Variants in NELL1 observed in about 807,000 individuals in gnomAD.
The protein encoded by NELL1 is protein kinase C-binding protein NELL1.
In NELL1, 76 loss-of-function variants were observed where a neutral mutation model predicts 107.4. The ratio of observed to expected loss-of-function variants is 0.71; its 90% CI spans 0.59 to 0.86. The LOEUF (loss-of-function observed/expected upper bound fraction) is 0.86, where lower values mean the gene tolerates loss of function less well. Ranked by LOEUF, NELL1 falls within the 40% of genes least tolerant of loss-of-function variation. NELL1 has a pLI of 0.00. For missense variants in NELL1, 1,024 were observed against 1,005.5 expected (o/e 1.02, Z -0.25); for synonymous variants, 353 against 341.2 (o/e 1.03, Z -0.38).
chr11:21,479,052 G>A (rs1854423260), intron 15 of NELL1, among the ~76,000 whole-genome samples: 1 of 152,144 alleles, frequency 6.6e-6, no homozygotes, highest in African/African-American at 2.4e-5. Flanking sequence ...CTCCTGGCAA[G>A]GATGTGGAGA....
In NELL1 at chr11:21,250,239, A is replaced by G. The variant is rs1331801479; in HGVS notation, c.1549+20785A>G. On this transcript the variant is annotated intron_variant, in intron 14 of 19. Transcript: ENST00000357134. ...AAGATTCAGACAGGGATCTGTGTAG[A>G]GGAGTAATTTGCAGTTATTTAACAT... Among the ~76,000 whole-genome samples the G allele has an allele frequency of 3.9e-5, 6 of 152,278 alleles. No individual in the cohort carries two copies. In the East Asian group the frequency reaches 7.7e-4, roughly 20 times the overall value.
chr11:21,086,240 T>C (rs1461481357), intron 12 of NELL1, among the ~76,000 whole-genome samples: 1 of 152,184 alleles, frequency 6.6e-6, no homozygotes, highest in Non-Finnish European at 1.5e-5. Context: ...GCAAATGATT[T>C]AGAAAGAAAG....
intron 2 of NELL1, among the ~76,000 whole-genome samples, chr11:20,760,558 G>T (rs766491885): frequency 6.6e-6 from 1 of 152,148 alleles, no homozygotes; most frequent in Non-Finnish European, 1.5e-5. Context: ...GTCCTCAAGG[G>T]CATGGATGGA....
chr11:20,778,404 G>A (rs1228686728), intron 2 of NELL1, among the ~76,000 whole-genome samples: 2 of 151,942 alleles, frequency 1.3e-5, no homozygotes, highest in African/African-American at 4.8e-5. Context: ...TCAGGGAAGA[G>A]GGAAATGAAG....
In NELL1 at chr11:21,229,384, C is replaced by T; in HGVS notation, c.1479C>T (p.Cys493=). 6.2e-7 allele frequency: 1 copy of T among 1,613,998 alleles called. No homozygotes were observed. The part of the protein sequence containing the change: ...GQHNCDENAI[C]TNTVQGHSCT... ...ACAACTGTGATGAGAATGCCATCTGCACCAACACTGTCCAGGGACACAGCT... is the reference window on the plus strand; with the variant it reads ...ACAACTGTGATGAGAATGCCATCTGTACCAACACTGTCCAGGGACACAGCT... Residue 493 remains cysteine (C), a synonymous_variant, in exon 14 of 20, where the codon TGC becomes TGT. Coordinates refer to ENST00000357134, the MANE Select transcript of NELL1 (RefSeq NM_006157.5).
intron 15 of NELL1, among the ~76,000 whole-genome samples, chr11:21,506,630 T>A (rs1278861719): frequency 6.6e-6 from 1 of 152,214 alleles, no homozygotes; most frequent in Non-Finnish European, 1.5e-5. Flanking sequence ...TAAGATAACA[T>A]GTGCAAAGCA....
At chr11:21,509,965 A>T (rs1002798769) in intron 15 of NELL1, among the ~76,000 whole-genome samples, 1 of 152,178 alleles carries the variant, frequency 6.6e-6, no homozygotes, top group African/African-American at 2.4e-5. Flanking sequence ...TTATATTTTT[A>T]ATCCTTGAGT....
At chr11:21,454,197 C>A (rs913896299) in intron 15 of NELL1, among the ~76,000 whole-genome samples, 2 of 146,262 alleles carry the variant, frequency 1.4e-5, no homozygotes, top group South Asian at 2.2e-4. Flanking sequence ...TTTGTTCTTG[C>A]GATAGTTTAC....
chr11:21,050,170 T>G (rs1853458090), intron 12 of NELL1, among the ~76,000 whole-genome samples: 1 of 152,144 alleles, frequency 6.6e-6, no homozygotes, highest in Non-Finnish European at 1.5e-5. Context: ...CTTGCCCCAC[T>G]CCTTCTTAGC....
At chr11:20,730,650 G>A (rs1207356791) in intron 2 of NELL1, among the ~76,000 whole-genome samples, 1 of 152,142 alleles carries the variant, frequency 6.6e-6, no homozygotes, top group African/African-American at 2.4e-5. Context: ...TTGTACCCAC[G>A]AATGGTGTGT....
intron 12 of NELL1, among the ~76,000 whole-genome samples, chr11:21,052,037 TG>T (rs1439879284): frequency 6.6e-6 from 1 of 151,872 alleles, no homozygotes; most frequent in African/African-American, 2.4e-5. Flanking sequence ...TTTAGTAGGG[TG>T]TTCCTCACTG....
chr11:21,363,328 C>T (rs999790301), intron 14 of NELL1, among the ~76,000 whole-genome samples: 1 of 152,162 alleles, frequency 6.6e-6, no homozygotes. Context: ...CTCCCTAAAC[C>T]CATTTCATCT....
At chr11:20,853,349 G>T (rs1848825064) in intron 4 of NELL1, among the ~76,000 whole-genome samples, 1 of 152,192 alleles carries the variant, frequency 6.6e-6, no homozygotes. Context: ...TTGGACCCTA[G>T]TCTTGGTTTT....
At chr11:21,217,418 A>G (rs2133867662) in intron 13 of NELL1, among the ~76,000 whole-genome samples, 1 of 152,228 alleles carries the variant, frequency 6.6e-6, no homozygotes, top group East Asian at 1.9e-4. Context: ...AAGGGTACAT[A>G]GGAGTCTTCT....
At chr11:20,861,517 A>T (rs1848978577) in intron 4 of NELL1, among the ~76,000 whole-genome samples, 1 of 152,150 alleles carries the variant, frequency 6.6e-6, no homozygotes, top group Admixed American at 6.5e-5. Context: ...TGACTATAGA[A>T]ACAGGGCAGG....
chr11:21,351,745 A>G (rs1417759778), intron 14 of NELL1, among the ~76,000 whole-genome samples: 1 of 152,058 alleles, frequency 6.6e-6, no homozygotes, highest in Non-Finnish European at 1.5e-5. Flanking sequence ...AATTATTGTA[A>G]TAGCTTTTAA....
chr11:21,107,318 G>A (rs988379061), intron 12 of NELL1, among the ~76,000 whole-genome samples: 3 of 146,210 alleles, frequency 2.1e-5, no homozygotes, highest in Non-Finnish European at 4.6e-5. Flanking sequence ...AGAGATAATA[G>A]GCCCAATTAA....
At chr11:21,113,813 T>G in intron 13 of NELL1, 99 bp downstream of exon 13, 1 of 1,245,224 alleles carries the variant, frequency 8.0e-7, no homozygotes, top group Non-Finnish European at 1.1e-6. Flanking sequence ...GTACTATTTT[T>G]ATCTAAATAG....
intron 2 of NELL1, among the ~76,000 whole-genome samples, chr11:20,757,101 C>T (rs1270311362): frequency 2.0e-5 from 3 of 151,830 alleles, no homozygotes; most frequent in Middle Eastern, 3.2e-3. Context: ...CTTTTTTTCT[C>T]TGTAACTCCT....
Sources: allele counts gnomAD v4.1 joint callset (sites outside exome capture counted in the v4.1 genomes callset), GRCh38; gene constraint gnomAD v4.1.1; transcripts MANE v1.5; gene names NCBI Gene and HGNC (gene_info 2026-07-23, HGNC 2026-07-21).